The following CXCL13 variants were observed in gnomAD, a reference collection of about 807,000 sequenced individuals.
CXCL13 encodes the protein C-X-C motif chemokine 13.
CXCL13 carries 7 observed loss-of-function variants against 12.2 expected under a neutral mutation model. That is an observed-to-expected ratio of 0.57 (90% CI 0.33 to 1.07). The LOEUF is 1.07. Ranked by LOEUF, CXCL13 falls within the 50% of genes least tolerant of loss-of-function variation. The probability of loss-of-function intolerance (pLI) is 0.04; values close to 1 mark genes in which losing one functional copy is unlikely to be tolerated. For missense variants in CXCL13, 113 were observed against 127.4 expected, an observed-to-expected ratio of 0.89 and a Z score of 0.55; for synonymous variants, 47 against 42.4, an observed-to-expected ratio of 1.11 and a Z score of -0.42.
intron 1 of CXCL13, among the ~76,000 whole-genome samples, chr4:77,517,701 C>G (rs1399920033): frequency 1.3e-5 from 2 of 152,128 alleles, no homozygotes; most frequent in Non-Finnish European, 2.9e-5. Flanking sequence ...CTATGTGTGT[C>G]TCTGCATGTG....
At chr4:77,563,407 G>T (rs1006551808) in intron 1 of CXCL13, among the ~76,000 whole-genome samples, 1 of 152,180 alleles carries the variant, frequency 6.6e-6, no homozygotes, top group African/African-American at 2.4e-5. Context: ...GTACTAATCT[G>T]GAAGCTGGCT....
intron 1 of CXCL13, among the ~76,000 whole-genome samples, chr4:77,567,873 G>A (rs1257448801): frequency 6.6e-6 from 1 of 152,192 alleles, no homozygotes; most frequent in Non-Finnish European, 1.5e-5. Context: ...TTTAGCATAT[G>A]TTCAAAAATA....
At position 77,611,687 on chromosome 4, in the gene CXCL13, A is replaced by G. The variant is rs933096712; in HGVS notation, c.*648A>G. On this transcript the variant is annotated 3_prime_UTR_variant, in exon 4 of 4. Transcript: ENST00000682537. ...GATGTACACATGTATCCTTTCACAC[A>G]TTTGCCTTGACAAACTTCTTTCACT... 3.6e-5 allele frequency: 14 copies of G among 392,194 alleles called. No homozygotes were observed. In the East Asian group the frequency reaches 4.7e-4, roughly 13 times the overall value. The allele number at this position is 392,194 out of a possible 1,614,324, so 24.3% of individuals were successfully genotyped here. A position where few individuals can be genotyped will look rare whatever the true frequency, so the allele number is the denominator to read the frequency against.
Position 77,611,619 on chromosome 4 carries a change from T to C in CXCL13, c.*580T>C, listed in dbSNP as rs760752539. The C allele has an allele frequency of 1.3e-5, 5 of 398,678 alleles. No homozygotes were observed. The highest frequency in any genetic ancestry group is 2.2e-5 in the Non-Finnish European group (5 of 226,086). The allele number at this position is 398,678 out of a possible 1,614,324, so 24.7% of individuals were successfully genotyped here. A position where few individuals can be genotyped will look rare whatever the true frequency, so the allele number is the denominator to read the frequency against. On this transcript the variant is annotated 3_prime_UTR_variant, in exon 4 of 4. Coordinates refer to ENST00000682537, the MANE Select transcript of CXCL13 (RefSeq NM_001371558.1). ...GTCTAAGATTAATAGCATTCGAAGATCCCCAGACTTCATAGAATACTCAGG... is the reference window on the plus strand; with the variant it reads ...GTCTAAGATTAATAGCATTCGAAGACCCCCAGACTTCATAGAATACTCAGG...
chr4:77,595,331 G>A (rs372129960), intron 1 of CXCL13, among the ~76,000 whole-genome samples: 1 of 152,164 alleles, frequency 6.6e-6, no homozygotes, highest in African/African-American at 2.4e-5. Context: ...CTCAGGGCCA[G>A]GATGTATTGA....
At chr4:77,533,175 T>C (rs1404302024) in intron 1 of CXCL13, among the ~76,000 whole-genome samples, 1 of 152,176 alleles carries the variant, frequency 6.6e-6, no homozygotes, top group Non-Finnish European at 1.5e-5. Context: ...TTATCTACCT[T>C]TGGTCTTTGA....
chr4:77,585,278 C>T (rs994985715), intron 1 of CXCL13, among the ~76,000 whole-genome samples: 3 of 152,164 alleles, frequency 2.0e-5, no homozygotes, highest in Non-Finnish European at 4.4e-5. Context: ...GGTATGGATG[C>T]ACAGGAGCAG....
chr4:77,541,554 CT>C lies in CXCL13; in HGVS notation c.-43+29767del, dbSNP rs1413488652. Reference sequence around the variant, plus strand: ...TGGCTTTATTTCTGGGTTCTATATTCTGTTCCATTGGTCTATGTGTCTGTTT... The same window carrying C: ...TGGCTTTATTTCTGGGTTCTATATTCGTTCCATTGGTCTATGTGTCTGTTT... On this transcript the variant is annotated intron_variant, in intron 1 of 4. Coordinates refer to the CXCL13 transcript ENST00000286758. 4.6e-5 allele frequency among the ~76,000 whole-genome samples: 7 copies of C among 152,272 alleles called. 1 individual carries two copies. In the South Asian group the frequency reaches 1.0e-3, roughly 23 times the overall value.
intron 1 of CXCL13, among the ~76,000 whole-genome samples, chr4:77,532,410 A>G (rs1413232150): frequency 3.9e-5 from 6 of 152,210 alleles, no homozygotes; most frequent in Non-Finnish European, 8.8e-5. Context: ...TCTGCCGAGA[A>G]ATCAGCTGTT....
intron 1 of CXCL13, among the ~76,000 whole-genome samples, chr4:77,558,699 A>T (rs1466281354): frequency 6.6e-6 from 1 of 152,126 alleles, no homozygotes; most frequent in African/African-American, 2.4e-5. Context: ...AAGATTCAAG[A>T]TATGGGGGGC....
chr4:77,542,066 T>C (rs1725217553), intron 1 of CXCL13, among the ~76,000 whole-genome samples: 1 of 152,182 alleles, frequency 6.6e-6, no homozygotes, highest in Non-Finnish European at 1.5e-5. Context: ...TTTTGTATCC[T>C]GAGATTTTAC....
rs1028638184 is a variant in CXCL13 at position 77,516,432 on chromosome 4, G to T, written c.-43+4644G>T. Among the ~76,000 whole-genome samples, 6 of 151,490 alleles carry T rather than the reference G, an allele frequency of 4.0e-5. 1 individual carries two copies. The highest frequency in any genetic ancestry group is 3.3e-4 in the Admixed American group (5 of 15,200). On this transcript the variant is annotated intron_variant, in intron 1 of 4. Transcript: ENST00000286758. ...GTAGAATTCGGCTGTGAATCCATCT[G>T]GTCCTGGACTCCTTTTAGTGGGTAA...
At chr4:77,560,889 A>C (rs530880293) in intron 1 of CXCL13, among the ~76,000 whole-genome samples, 1 of 152,204 alleles carries the variant, frequency 6.6e-6, no homozygotes, top group African/African-American at 2.4e-5. Flanking sequence ...TATAATTTTT[A>C]TATTTTCTTA....
In CXCL13 at chr4:77,584,921, C is replaced by T. The variant is rs1226885867; in HGVS notation, c.-42-20903C>T. 2.0e-5 allele frequency among the ~76,000 whole-genome samples: 3 copies of T among 152,190 alleles called. No homozygotes were observed. In the East Asian group the frequency reaches 5.8e-4, roughly 29 times the overall value. On this transcript the variant is annotated intron_variant, in intron 1 of 4. Transcript: ENST00000286758. ...AGATTCAATTACCCCAACCCTAAGG[C>T]CACTTTCATGACAAATATGACTTAC...
intron 1 of CXCL13, among the ~76,000 whole-genome samples, chr4:77,530,572 A>G (rs569428111): frequency 1.3e-5 from 2 of 152,240 alleles, no homozygotes; most frequent in South Asian, 4.1e-4. Context: ...AGAGGTGTTT[A>G]TAGTATTCTC....
intron 1 of CXCL13, among the ~76,000 whole-genome samples, chr4:77,574,150 T>A (rs1231125896): frequency 2.0e-5 from 3 of 151,962 alleles, no homozygotes; most frequent in Non-Finnish European, 4.4e-5. Context: ...TTTATGCTTT[T>A]TCTCTTCTTG....
At chr4:77,543,508 T>C (rs748757962) in intron 1 of CXCL13, among the ~76,000 whole-genome samples, 4 of 152,150 alleles carry the variant, frequency 2.6e-5, no homozygotes, top group Admixed American at 6.6e-5. Flanking sequence ...TTAACTTTCC[T>C]CTTAACATTG....
chr4:77,589,144 G>T (rs374329678), intron 1 of CXCL13, among the ~76,000 whole-genome samples: 1 of 152,142 alleles, frequency 6.6e-6, no homozygotes, highest in African/African-American at 2.4e-5. Flanking sequence ...CAACAGTTTC[G>T]CATTCCGCAG....
In CXCL13 at chr4:77,580,056, G is replaced by A. The variant is rs977029212; in HGVS notation, c.-42-25768G>A. On this transcript the variant is annotated intron_variant, in intron 1 of 4. Transcript: ENST00000286758. ...CAAACCAGCTGACTATCAGCCAGGT[G>A]CAGGTTGATTATTAAAACTAAGGGC... Among the ~76,000 whole-genome samples the A allele has an allele frequency of 3.3e-5, 5 of 152,104 alleles. No individual in the cohort carries two copies. In the South Asian group the frequency reaches 6.2e-4, roughly 19 times the overall value.
Sources: gnomAD v4.1 joint callset for allele counts (sites outside exome capture counted in the v4.1 genomes callset) on GRCh38, gnomAD v4.1.1 for gene constraint, MANE v1.5 for transcripts, NCBI Gene and HGNC (gene_info 2026-07-23, HGNC 2026-07-21) for gene names.